PRPF3: variants seen among roughly 807,000 people sequenced by gnomAD.
The protein encoded by PRPF3 is pre-mRNA processing factor 3, also known as U4/U6 small nuclear ribonucleoprotein Prp3.
In PRPF3, 3 loss-of-function variants were observed where a neutral mutation model predicts 89.2. The ratio of observed to expected loss-of-function variants is 0.03; its 90% CI spans 0.02 to 0.09. PRPF3 has a LOEUF of 0.09. Ranked by LOEUF, PRPF3 falls within the 10% of genes least tolerant of loss-of-function variation. The pLI, the probability that PRPF3 is intolerant of heterozygous loss-of-function variation, is 1.00. For synonymous variants in PRPF3, 270 were observed against 289.1 expected (o/e 0.93, Z 0.67); for missense variants, 463 against 828.8 (o/e 0.56, Z 5.42).
At chr1:150,331,483 G>A (rs1430790074) in intron 4 of PRPF3, among the ~76,000 whole-genome samples, 3 of 152,010 alleles carry the variant, frequency 2.0e-5, no homozygotes, top group African/African-American at 7.3e-5. Flanking sequence ...TCCTGCCTCA[G>A]CCTCCTGAGT....
Position 150,353,140 on chromosome 1 carries a change from C to A in PRPF3, c.*161C>A. ...ATATCTTGCTCCCCTCCTGAGTCAG[C>A]CTGGTGTTGCCCTTTATTCCCCTTA... On this transcript the variant is annotated 3_prime_UTR_variant, in exon 16 of 16. Transcript: ENST00000324862. The A allele has an allele frequency of 1.1e-6, 1 of 884,820 alleles. No individual in the cohort carries two copies. The allele number at this position is 884,820 out of a possible 1,614,324, so 54.8% of individuals were successfully genotyped here. A position where few individuals can be genotyped will look rare whatever the true frequency, so the allele number is the denominator to read the frequency against.
intron 15 of PRPF3, among the ~76,000 whole-genome samples, chr1:150,350,804 T>TA (rs1441368957): frequency 1.3e-5 from 2 of 151,354 alleles, no homozygotes; most frequent in African/African-American, 4.9e-5. Flanking sequence ...CTACAAAAAA[T>TA]ACAAAAATTA....
At chr1:150,347,760 C>T (rs1329745393) in intron 14 of PRPF3, among the ~76,000 whole-genome samples, 1 of 151,910 alleles carries the variant, frequency 6.6e-6, no homozygotes, top group African/African-American at 2.4e-5. Context: ...TACATCTGAC[C>T]TACAGGACAT....
At chr1:150,342,591 C>T (rs1433301867) in intron 9 of PRPF3, among the ~76,000 whole-genome samples, 3 of 152,036 alleles carry the variant, frequency 2.0e-5, no homozygotes, top group Admixed American at 6.6e-5. Context: ...GGCACAATCT[C>T]GGCTCACTGC....
intron 6 of PRPF3, 150 bp downstream of exon 6, chr1:150,333,349 C>T: frequency 1.2e-6 from 1 of 818,084 alleles, no homozygotes; most frequent in South Asian, 1.5e-5. Context: ...CACCTGAGGT[C>T]AGGAGTCAGG....
intron 1 of PRPF3, among the ~76,000 whole-genome samples, chr1:150,323,611 G>C (rs2101938634): frequency 7.8e-6 from 1 of 128,646 alleles, no homozygotes; most frequent in East Asian, 3.4e-4. Context: ...CTCCAGCCTG[G>C]GCGACGGAGT....
intron 12 of PRPF3, 135 bp from the exon 13 acceptor site, chr1:150,345,883 T>G: frequency 1.3e-6 from 1 of 764,174 alleles, no homozygotes; most frequent in East Asian, 2.4e-5. Flanking sequence ...TTTTAAGCAT[T>G]CATCTATTTG....
At chr1:150,334,578 C>T (rs1423994364) in intron 6 of PRPF3, among the ~76,000 whole-genome samples, 12 of 152,150 alleles carry the variant, frequency 7.9e-5, no homozygotes, top group Admixed American at 7.2e-4. Flanking sequence ...CCGCCTCAGC[C>T]TCCCAAAGTG....
intron 7 of PRPF3, among the ~76,000 whole-genome samples, chr1:150,335,744 C>T (rs1222483533): frequency 2.1e-5 from 3 of 144,570 alleles, no homozygotes; most frequent in Non-Finnish European, 3.0e-5. Context: ...GGATTACAGG[C>T]GTGAGCCACC....
At position 150,343,243 on chromosome 1, in the gene PRPF3, AAAAAAAT is replaced by A. The variant is rs58514816; in HGVS notation, c.1283-64_1283-58del. ...GGTGACAGAGTGAGAGAGAGAAAAA[AAAAAAAT>A]ATATATATATATATATGTATTCTTA... On this transcript the variant is annotated intron_variant, in intron 9 of 15. Transcript: ENST00000324862. 379,942 of 980,108 alleles carry A rather than the reference AAAAAAAT, an allele frequency of 0.39. 65,839 individuals are homozygous for A. Among genetic ancestry groups the A allele is most frequent in the Middle Eastern group, 0.42 (1,024 of 2,430 alleles). The allele number at this position is 980,108 out of a possible 1,614,324, so 60.7% of individuals were successfully genotyped here. A position where few individuals can be genotyped will look rare whatever the true frequency, so the allele number is the denominator to read the frequency against.
chr1:150,352,820 A>C lies in PRPF3; in HGVS notation c.1906-13A>C. The C allele has an allele frequency of 6.2e-7, 1 of 1,613,228 alleles. No homozygotes were observed. Among genetic ancestry groups the C allele is most frequent in the Non-Finnish European group, 8.5e-7 (1 of 1,179,266 alleles). ...AGAAATTGAAGTGTTTTTATTATAT[A>C]TCTCTTTTCTAGGGTACAGCCAAAG... On this transcript the variant is annotated splice_polypyrimidine_tract_variant and intron_variant, in intron 15 of 15. Transcript: ENST00000324862.
intron 1 of PRPF3, among the ~76,000 whole-genome samples, chr1:150,322,941 C>T (rs587694667): frequency 6.7e-6 from 1 of 150,206 alleles, no homozygotes; most frequent in African/African-American, 2.5e-5. Context: ...GTGGTGCGAT[C>T]TCGGCTCACT....
At chr1:150,335,591 G>A (rs1361280121) in intron 7 of PRPF3, among the ~76,000 whole-genome samples, 3 of 151,960 alleles carry the variant, frequency 2.0e-5, no homozygotes, top group Non-Finnish European at 2.9e-5. Flanking sequence ...TCAGCCTCCC[G>A]AGTAGCTGGG....
chr1:150,327,044 C>T (rs1212623482), intron 3 of PRPF3, among the ~76,000 whole-genome samples: 2 of 149,104 alleles, frequency 1.3e-5, no homozygotes, highest in East Asian at 3.9e-4. Context: ...GATTATGTCA[C>T]GATAGGGCAT....
At chr1:150,341,215 T>C (rs782498656) in intron 9 of PRPF3, among the ~76,000 whole-genome samples, 2 of 151,868 alleles carry the variant, frequency 1.3e-5, no homozygotes, top group Non-Finnish European at 2.9e-5. Context: ...AGCCCTCAGC[T>C]TGCTCCTTTT....
At chr1:150,325,276 G>A (rs587763890) in intron 2 of PRPF3, among the ~76,000 whole-genome samples, 189 bp downstream of exon 2, 2 of 152,110 alleles carry the variant, frequency 1.3e-5, no homozygotes, top group East Asian at 3.9e-4. Flanking sequence ...TATTTTTTAT[G>A]TTATTTATGA....
intron 7 of PRPF3, among the ~76,000 whole-genome samples, chr1:150,337,543 C>T (rs947644118): frequency 2.0e-5 from 3 of 151,582 alleles, no homozygotes; most frequent in Non-Finnish European, 2.9e-5. Flanking sequence ...GATTCTTGGC[C>T]GAGGTGGGCG....
At chr1:150,324,363 T>G (rs1355612535) in intron 1 of PRPF3, among the ~76,000 whole-genome samples, 1 of 152,212 alleles carries the variant, frequency 6.6e-6, no homozygotes, top group Non-Finnish European at 1.5e-5. Context: ...AGAGTTTGTT[T>G]ATTCCGCAGA....
intron 15 of PRPF3, among the ~76,000 whole-genome samples, chr1:150,350,056 C>T (rs2797653): frequency 0.33 from 49,900 of 151,524 alleles, 8,922 homozygotes; most frequent in Non-Finnish European, 0.4. Context: ...CCACCATGCC[C>T]GACTAATTTT....
Sources: allele counts gnomAD v4.1 joint callset (sites outside exome capture counted in the v4.1 genomes callset), GRCh38; gene constraint gnomAD v4.1.1; transcripts MANE v1.5; gene names NCBI Gene and HGNC (gene_info 2026-07-23, HGNC 2026-07-21).